E2F8: variants seen among roughly 807,000 people sequenced by gnomAD.
E2F8 encodes the protein E2F transcription factor 8.
E2F8 carries 35 observed loss-of-function variants against 80.8 expected under a neutral mutation model. That is an observed-to-expected ratio of 0.43 (90% CI 0.33 to 0.57). E2F8 has a LOEUF of 0.57. Ranked by LOEUF, E2F8 falls within the 20% of genes least tolerant of loss-of-function variation. E2F8 has a pLI of 0.04. For missense variants in E2F8, 975 were observed against 1,056.2 expected (o/e 0.92, Z 1.07); for synonymous variants, 386 against 395.0 (o/e 0.98, Z 0.27).
At chr11:19,231,079 T>G (rs940552587) in intron 7 of E2F8, among the ~76,000 whole-genome samples, 4 of 152,084 alleles carry the variant, frequency 2.6e-5, no homozygotes, top group African/African-American at 9.7e-5. Context: ...TGTGCTAGAG[T>G]GTAGTTATTA....
Position 19,234,973 on chromosome 11 carries a change from A to G in E2F8, c.537T>C (p.Thr179=). The G allele has an allele frequency of 3.7e-6, 6 of 1,614,218 alleles. No individual in the cohort carries two copies. Among genetic ancestry groups the G allele is most frequent in the Non-Finnish European group, 5.1e-6 (6 of 1,180,046 alleles). ...MVSRLAKNRY[T]WHGRHNLNKT... is the part of the protein sequence containing the mutation. ...TGTTGAGATTGTGTCGCCCGTGCCA[A>G]GTGTACCTGTTTTTGGCGAGGCGGC... Residue 179 remains threonine (T), a synonymous_variant, in exon 5 of 13, where the codon ACT becomes ACC. Transcript: ENST00000250024.
chr11:19,230,638 G>A lies in E2F8; in HGVS notation c.1263C>T (p.Thr421=), dbSNP rs745642528. ...INSAPSSPIK[T]NKAESSQNSA... The stretch of plus-strand genomic sequence containing the variant: ...ACATTCCTGAAAACATACCTTTGTT[G>A]GTCTTGATAGGGCTACTGGGCGCAG... The change falls in exon 8 of 13, where the codon ACC becomes ACT. Residue 421 remains threonine, a synonymous_variant. Coordinates refer to ENST00000250024, the MANE Select transcript of E2F8 (RefSeq NM_024680.4). 1 of 1,613,950 alleles carries A rather than the reference G, an allele frequency of 6.2e-7. No homozygotes were observed. The highest frequency in any genetic ancestry group is 8.5e-7 in the Non-Finnish European group (1 of 1,179,910).
rs367904306 is a variant in E2F8 at position 19,234,749 on chromosome 11, C to T, written c.761G>A (p.Arg254Gln). Residue 254 changes from arginine to glutamine, a missense_variant, in exon 5 of 13, where the codon CGG (arginine) becomes CAG (glutamine). By Grantham distance (43) the Arg-to-Gln change is conservative. Transcript: ENST00000250024. ...TTTTCACTACCATCTCTCACCTGCC[C>T]GAAATTCCACTCCAGGGAGTTCCAC... is the stretch of plus-strand genomic sequence containing the variant. The part of the protein sequence containing the change: ...CFVELPGVEF[R>Q]AASVNSRKDK... 30 of 1,608,572 alleles carry T rather than the reference C, an allele frequency of 1.9e-5. No homozygotes were observed. The highest frequency in any genetic ancestry group is 6.7e-5 in the Admixed American group (4 of 59,644).
At position 19,237,924 on chromosome 11, in the gene E2F8, C is replaced by A. The variant is rs759388909; in HGVS notation, c.224G>T (p.Arg75Leu). ...CAAACCCCTTTTCTGATCTCTGTTG[C>A]GGATCTCAGGGCTCACAGCACTGAT... is the stretch of plus-strand genomic sequence containing the variant. ...MLISAVSPEIRNRDQKRGLFD... is the reference protein window; with the variant it reads ...MLISAVSPEILNRDQKRGLFD... The change falls in exon 3 of 13, where the codon CGC becomes CTC. Residue 75 changes from arginine (R) to leucine (L), a missense_variant. Physicochemically the swap from Arg to Leu is moderately radical, Grantham distance 102 (BLOSUM62 -2). Coordinates refer to ENST00000250024, the MANE Select transcript of E2F8 (RefSeq NM_024680.4). 2 of 1,613,878 alleles carry A rather than the reference C, an allele frequency of 1.2e-6. No individual in the cohort carries two copies. Among genetic ancestry groups the A allele is most frequent in the African/African-American group, 2.7e-5 (2 of 74,824 alleles).
In E2F8 at chr11:19,237,269, C is replaced by T. The variant is rs770220207; in HGVS notation, c.451+45G>A. ...GTCTGAAGGAGTTAAGTCCATAAAG[C>T]CACTTTAATTATTAATTCTTTCAGT... On this transcript the variant is annotated intron_variant, in intron 4 of 12. Coordinates refer to ENST00000250024, the MANE Select transcript of E2F8 (RefSeq NM_024680.4). 3 of 1,597,964 alleles carry T rather than the reference C, an allele frequency of 1.9e-6. No individual in the cohort carries two copies. The African/African-American group carries it at 4.0e-5, about 21-fold the overall frequency.
Position 19,225,354 on chromosome 11 carries a change from G to A in E2F8, c.2288C>T (p.Pro763Leu). The A allele has an allele frequency of 6.2e-7, 1 of 1,614,110 alleles. No homozygotes were observed. The highest frequency in any genetic ancestry group is 8.5e-7 in the Non-Finnish European group (1 of 1,180,038). The change falls in exon 12 of 13, where the codon CCA (proline) becomes CTA (leucine). Residue 763 changes from proline (P) to leucine (L), a missense_variant. Transcript: ENST00000250024. ...TGCGACATTAACAGACTCTATTCTTGGAGACACAGGAACGATTCCAGACCC... is the reference window on the plus strand; with the variant it reads ...TGCGACATTAACAGACTCTATTCTTAGAGACACAGGAACGATTCCAGACCC... ...SPGSGIVPVSPRIESVNVAPE... is the reference protein window; with the variant it reads ...SPGSGIVPVSLRIESVNVAPE...
Position 19,225,300 on chromosome 11 carries a change from C to T in E2F8, c.2342G>A (p.Arg781Lys). The T allele has an allele frequency of 1.9e-6, 3 of 1,614,174 alleles. No individual in the cohort carries two copies. The South Asian group carries it at 3.3e-5, about 18-fold the overall frequency. ...APENAGTQQG[R>K]ATNYDSPVPG... ...GACTGGTGAGTCATAGTTGGTGGCCCTTCCTTGCTGAGTGCCTGCATTTTC... is the reference window on the plus strand; with the variant it reads ...GACTGGTGAGTCATAGTTGGTGGCCTTTCCTTGCTGAGTGCCTGCATTTTC... Residue 781 changes from arginine to lysine, a missense_variant, in exon 12 of 13, where the codon AGG becomes AAG. Arg to Lys is a conservative substitution (Grantham distance 26, BLOSUM62 2). Coordinates refer to ENST00000250024, the MANE Select transcript of E2F8 (RefSeq NM_024680.4).
Position 19,234,805 on chromosome 11 carries a change from A to T in E2F8, c.705T>A (p.Thr235=). 6.2e-7 allele frequency: 1 copy of T among 1,614,222 alleles called. No individual in the cohort carries two copies. The highest frequency in any genetic ancestry group is 8.5e-7 in the Non-Finnish European group (1 of 1,180,036). ...ACATGTCTGGGTGTCCATTTGGGCCAGTGTTTGATTTGATGATATGATCCT... is the reference window on the plus strand; with the variant it reads ...ACATGTCTGGGTGTCCATTTGGGCCTGTGTTTGATTTGATGATATGATCCT... ...SIEDHIIKSN[T]GPNGHPDMCF... Residue 235 remains threonine, a synonymous_variant, in exon 5 of 13, where the codon ACT becomes ACA. Transcript: ENST00000250024.
intron 3 of E2F8, 131 bp from the exon 4 acceptor site, chr11:19,237,601 A>C: frequency 8.9e-7 from 1 of 1,117,612 alleles, no homozygotes; most frequent in Non-Finnish European, 1.3e-6. Context: ...TCTGGATGGG[A>C]GAAAAGGTTA....
intron 12 of E2F8, 143 bp downstream of exon 12, chr11:19,225,078 G>A (rs1851194671): frequency 6.2e-6 from 8 of 1,296,696 alleles, no homozygotes; most frequent in Non-Finnish European, 8.4e-6. Context: ...CCTGGGTTCT[G>A]GAAGAAACAT....
Position 19,230,826 on chromosome 11 carries a change from G to C in E2F8, c.1075C>G (p.Pro359Ala). Residue 359 changes from proline to alanine, a missense_variant, in exon 8 of 13, where the codon CCA (proline) becomes GCA (alanine). Transcript: ENST00000250024. The stretch of plus-strand genomic sequence containing the variant: ...TCAGAGGGAGTAAAATGAATGACTG[G>C]GCTGGAGCCTGAAACAGAAAACGTC... Reference protein sequence around the residue: ...EISPNTSGSSPVIHFTPSDLE... With the variant: ...EISPNTSGSSAVIHFTPSDLE... The C allele has an allele frequency of 2.5e-6, 4 of 1,614,010 alleles. No individual in the cohort carries two copies. Among genetic ancestry groups the C allele is most frequent in the Non-Finnish European group, 3.4e-6 (4 of 1,179,950 alleles).
intron 1 of E2F8, 130 bp from the exon 2 acceptor site, chr11:19,240,360 T>A (rs980785227): frequency 2.0e-5 from 6 of 306,708 alleles, no homozygotes; most frequent in Non-Finnish European, 3.6e-5. Flanking sequence ...ATTTACATTT[T>A]ATTCTCGACC....
chr11:19,238,804 A>G (rs1163636709), intron 2 of E2F8, among the ~76,000 whole-genome samples: 1 of 152,228 alleles, frequency 6.6e-6, no homozygotes, highest in Non-Finnish European at 1.5e-5. Context: ...AATGGGGCCC[A>G]GAGAAGTAAA....
In E2F8 at chr11:19,232,353, T is replaced by C; in HGVS notation, c.947A>G (p.Tyr316Cys). 1.2e-6 allele frequency: 2 copies of C among 1,612,370 alleles called. No individual in the cohort carries two copies. Among genetic ancestry groups the C allele is most frequent in the Non-Finnish European group, 1.7e-6 (2 of 1,179,530 alleles). Residue 316 changes from tyrosine (Y) to cysteine (C), a missense_variant, in exon 7 of 13, where the codon TAT (tyrosine) becomes TGT (cysteine). Transcript: ENST00000250024. ...SKFKTKIRRL[Y>C]DIANVLSSLD... ...GCTACTCAGAACATTAGCTATATCA[T>C]ACAACCTCCTAATTTTTGCTGGGAA...
At position 19,225,711 on chromosome 11, in the gene E2F8, T is replaced by G. The variant is rs924415536; in HGVS notation, c.2026+21A>C. On this transcript the variant is annotated intron_variant, in intron 11 of 12. Transcript: ENST00000250024. ...AACTTGAGACCGGCCCACATCTGGT[T>G]AGTGTTTTATGTGCACTCACCTGCA... 3 of 1,613,918 alleles carry G rather than the reference T, an allele frequency of 1.9e-6. No homozygotes were observed. The African/African-American group carries it at 4.0e-5, about 22-fold the overall frequency.
chr11:19,231,058 A>T (rs749188882), intron 7 of E2F8, among the ~76,000 whole-genome samples: 5 of 152,212 alleles, frequency 3.3e-5, no homozygotes, highest in Non-Finnish European at 5.9e-5. Flanking sequence ...ACTATATCTT[A>T]TAACCAGTGG....
intron 9 of E2F8, 63 bp from the exon 10 acceptor site, chr11:19,230,051 C>T (rs1458860420): frequency 1.3e-6 from 2 of 1,594,490 alleles, no homozygotes; most frequent in East Asian, 2.2e-5. Flanking sequence ...TGTTCTACCG[C>T]TTTAAGCCTC....
chr11:19,230,249 C>T lies in E2F8; in HGVS notation c.1350G>A (p.Glu450=). The change falls in exon 9 of 13, where the codon GAG becomes GAA. Residue 450 remains glutamate, a synonymous_variant. Transcript: ENST00000250024. ...LAAICKMQLE[E]QSSESRQKVK... ...GAGGATTGCCAACCTACCTTGATTG[C>T]TCTTCTAACTGCATTTTACAAATAG... is the stretch of plus-strand genomic sequence containing the variant. The T allele has an allele frequency of 6.2e-7, 1 of 1,612,792 alleles. No individual in the cohort carries two copies. The highest frequency in any genetic ancestry group is 8.5e-7 in the Non-Finnish European group (1 of 1,179,700).
At position 19,229,740 on chromosome 11, in the gene E2F8, G is replaced by C; in HGVS notation, c.1607C>G (p.Pro536Arg). 3 of 1,614,218 alleles carry C rather than the reference G, an allele frequency of 1.9e-6. No homozygotes were observed. The highest frequency in any genetic ancestry group is 2.5e-6 in the Non-Finnish European group (3 of 1,180,034). The change falls in exon 10 of 13, where the codon CCA becomes CGA. Residue 536 changes from proline to arginine, a missense_variant. Pro to Arg is a moderately radical substitution (Grantham distance 103). Coordinates refer to ENST00000250024, the MANE Select transcript of E2F8 (RefSeq NM_024680.4). This position sits in a 1 kb window ranked among gnomAD's most constrained non-coding sequence, Gnocchi z 4.3. ...QPTQAHQSVTPPQGLSPTVCT... is the reference protein window; with the variant it reads ...QPTQAHQSVTRPQGLSPTVCT... ...CACCGTTGGGCTCAGGCCTTGGGGT[G>C]GCGTCACACTTTGGTGGGCTTGAGT...
Sources: allele counts gnomAD v4.1 joint callset (sites outside exome capture counted in the v4.1 genomes callset), GRCh38; gene constraint gnomAD v4.1.1; non-coding constraint Gnocchi (gnomAD v3.1); transcripts MANE v1.5; gene names NCBI Gene and HGNC (gene_info 2026-07-23, HGNC 2026-07-21).